Variants in PDE4D observed in about 807,000 individuals in gnomAD.
PDE4D encodes phosphodiesterase 4D.
Under a neutral mutation model 87.4 loss-of-function variants are expected in PDE4D, and 24 were observed. That is an observed-to-expected ratio of 0.27 (90% CI 0.20 to 0.39). The LOEUF (loss-of-function observed/expected upper bound fraction) is 0.39, where lower values mean the gene tolerates loss of function less well. PDE4D is among the 10% of genes least tolerant of loss of function. The probability of loss-of-function intolerance (pLI) is 1.00; values close to 1 mark genes in which losing one functional copy is unlikely to be tolerated. For missense variants in PDE4D, 714 were observed against 1,041.0 expected (o/e 0.69, Z 4.32); for synonymous variants, 384 against 383.2 (o/e 1.00, Z -0.02).
intron 1 of PDE4D, among the ~76,000 whole-genome samples, chr5:60,440,575 G>T (rs1162325173): frequency 6.6e-6 from 1 of 152,104 alleles, no homozygotes; most frequent in Non-Finnish European, 1.5e-5. Flanking sequence ...AGACACAGGA[G>T]AGATAGGGCG....
chr5:59,211,633 T>C (rs1211112378), intron 2 of PDE4D, among the ~76,000 whole-genome samples: 2 of 152,096 alleles, frequency 1.3e-5, no homozygotes, highest in Non-Finnish European at 2.9e-5. Flanking sequence ...GGACTTTGGC[T>C]TTCTAACCTG....
At chr5:59,178,917 G>A (rs1293961933) in intron 5 of PDE4D, among the ~76,000 whole-genome samples, 1 of 152,140 alleles carries the variant, frequency 6.6e-6, no homozygotes, top group African/African-American at 2.4e-5. Context: ...CTCACTAGAG[G>A]CCTCAGGTAC....
chr5:59,653,938 G>A (rs1743944759), intron 1 of PDE4D, among the ~76,000 whole-genome samples: 1 of 151,118 alleles, frequency 6.6e-6, no homozygotes, highest in South Asian at 2.1e-4. Flanking sequence ...AGGTGTGGTG[G>A]CTCACCCCTA....
intron 2 of PDE4D, among the ~76,000 whole-genome samples, chr5:60,148,945 G>A (rs1439400630): frequency 1.3e-5 from 2 of 152,132 alleles, no homozygotes; most frequent in African/African-American, 4.8e-5. Flanking sequence ...GATTTTTTCA[G>A]GGCAAAGTAA....
At chr5:59,587,062 G>T in intron 1 of PDE4D, 1 of 893,750 alleles carries the variant, frequency 1.1e-6, no homozygotes, top group Non-Finnish European at 1.3e-6. Context: ...TTTCTGCTCT[G>T]CAGGACAAGA....
chr5:60,397,013 T>C (rs572297400), intron 1 of PDE4D, among the ~76,000 whole-genome samples: 1 of 152,308 alleles, frequency 6.6e-6, no homozygotes, highest in South Asian at 2.1e-4. Flanking sequence ...CAATGCAAAT[T>C]TTTAGGATCC....
At chr5:59,430,803 T>G (rs1052160121) in intron 1 of PDE4D, among the ~76,000 whole-genome samples, 1 of 152,116 alleles carries the variant, frequency 6.6e-6, no homozygotes, top group Non-Finnish European at 1.5e-5. Context: ...CCTAATGTAA[T>G]AGTAGTTTGG....
chr5:60,168,166 T>G (rs1169198553), intron 2 of PDE4D, among the ~76,000 whole-genome samples: 1 of 152,190 alleles, frequency 6.6e-6, no homozygotes, highest in African/African-American at 2.4e-5. Context: ...ATAACAAGAT[T>G]TATTAATATT....
At chr5:59,252,060 T>C (rs1004068432) in intron 1 of PDE4D, among the ~76,000 whole-genome samples, 3 of 152,044 alleles carry the variant, frequency 2.0e-5, no homozygotes, top group Non-Finnish European at 4.4e-5. Flanking sequence ...GCAGAAAAGA[T>C]AACTATTAGG....
At position 59,615,158 on chromosome 5, in the gene PDE4D, T is replaced by G. The variant is rs1384143591; in HGVS notation, c.455+278010A>C. Among the ~76,000 whole-genome samples the G allele has an allele frequency of 3.9e-5, 6 of 152,154 alleles. No individual in the cohort carries two copies. The East Asian group carries it at 9.6e-4, about 24-fold the overall frequency. On this transcript the variant is annotated intron_variant, in intron 1 of 14. Coordinates refer to ENST00000340635, the MANE Select transcript of PDE4D (RefSeq NM_001104631.2). ...ATATTTTTATGTTGAACATTCCCAT[T>G]CTAGCCATGCGCTTCTTACCTGGAC...
intron 1 of PDE4D, among the ~76,000 whole-genome samples, chr5:59,882,307 A>AT: frequency 6.6e-6 from 1 of 152,192 alleles, no homozygotes; most frequent in East Asian, 1.9e-4. Flanking sequence ...TTAGACAAGA[A>AT]ACTGGTCCTC....
chr5:59,128,270 C>CT (rs113507877), intron 5 of PDE4D, among the ~76,000 whole-genome samples: 36,055 of 151,462 alleles, frequency 0.24, 4,669 homozygotes, highest in African/African-American at 0.33. Context: ...ACCTCCTCTC[C>CT]TTTTTTTAAT....
chr5:59,640,593 T>C (rs1027881361), intron 1 of PDE4D, among the ~76,000 whole-genome samples: 4 of 152,218 alleles, frequency 2.6e-5, no homozygotes, highest in Non-Finnish European at 5.9e-5. Flanking sequence ...GAGCCTGCTG[T>C]CCCACTGGAC....
chr5:60,396,162 G>A (rs569724024), intron 1 of PDE4D, among the ~76,000 whole-genome samples: 8 of 152,266 alleles, frequency 5.3e-5, no homozygotes, highest in East Asian at 3.9e-4. Context: ...TATCCACTGC[G>A]CATGTTCCCA....
chr5:60,271,759 C>T (rs1232538982), intron 1 of PDE4D, among the ~76,000 whole-genome samples: 5 of 152,126 alleles, frequency 3.3e-5, no homozygotes, highest in African/African-American at 7.2e-5. Flanking sequence ...CTGAGTTACA[C>T]GCTGCACTAA....
chr5:59,012,550 CAAAG>C (rs2153366601), intron 6 of PDE4D, among the ~76,000 whole-genome samples: 1 of 152,158 alleles, frequency 6.6e-6, no homozygotes, highest in East Asian at 1.9e-4. Flanking sequence ...TCAGAAGAGA[CAAAG>C]AAGGCCATTA....
At chr5:60,459,729 GCAAAGAGA>G in intron 1 of PDE4D, 10 of 354,136 alleles carry the variant, frequency 2.8e-5, no homozygotes, top group South Asian at 7.6e-5. Flanking sequence ...ATGGTGTAGA[GCAAAGAGA>G]CCTCAACAAC....
chr5:60,097,724 C>T (rs1775816659), intron 2 of PDE4D, among the ~76,000 whole-genome samples: 1 of 151,556 alleles, frequency 6.6e-6, no homozygotes, highest in Admixed American at 6.6e-5. Context: ...TTTATTTACT[C>T]ATTCAATATA....
chr5:60,149,996 G>A (rs1453006519), intron 2 of PDE4D, among the ~76,000 whole-genome samples: 1 of 145,236 alleles, frequency 6.9e-6, no homozygotes, highest in Non-Finnish European at 1.5e-5. Context: ...TAATACATAT[G>A]TGTATATAAT....
Sources: gnomAD v4.1 joint callset for allele counts (sites outside exome capture counted in the v4.1 genomes callset) on GRCh38, gnomAD v4.1.1 for gene constraint, MANE v1.5 for transcripts, NCBI Gene and HGNC (gene_info 2026-07-23, HGNC 2026-07-21) for gene names.